JAK2: variants seen among roughly 807,000 people sequenced by gnomAD.
JAK2 encodes the protein tyrosine-protein kinase JAK2.
In JAK2, 86 loss-of-function variants were observed where a neutral mutation model predicts 139.3. The observed-to-expected ratio is 0.62, with a 90% CI of 0.52 to 0.74. JAK2 has a LOEUF of 0.74. Ranked by LOEUF, JAK2 falls within the 30% of genes least tolerant of loss-of-function variation. The pLI, the probability that JAK2 is intolerant of heterozygous loss-of-function variation, is 0.00. For missense variants in JAK2, 1,421 were observed against 1,360.3 expected, an observed-to-expected ratio of 1.04 and a Z score of -0.70; for synonymous variants, 490 against 437.7, an observed-to-expected ratio of 1.12 and a Z score of -1.49.
chr9:5,046,780 G>A (rs1435454837), intron 5 of JAK2, among the ~76,000 whole-genome samples: 1 of 128,232 alleles, frequency 7.8e-6, no homozygotes, highest in Non-Finnish European at 1.5e-5. Context: ...AGGCTTCTAA[G>A]AATAGCCTTT....
In JAK2 at chr9:5,106,672, TG is replaced by T. The variant is rs546875724; in HGVS notation, c.3059+15763del. On this transcript the variant is annotated intron_variant, in intron 22 of 24. Coordinates refer to ENST00000381652, the MANE Select transcript of JAK2 (RefSeq NM_004972.4). Reference sequence around the variant, plus strand: ...ACCCAAATGCCCATCAATGATAGACTGGATAAGAAAATATGCCACAAATATC... The same window carrying T: ...ACCCAAATGCCCATCAATGATAGACTGATAAGAAAATATGCCACAAATATC... Among the ~76,000 whole-genome samples, 157 of 152,270 alleles carry T rather than the reference TG, an allele frequency of 1.0e-3. 1 individual carries two copies. Among genetic ancestry groups the T allele is most frequent in the African/African-American group, 3.7e-3 (155 of 41,532 alleles).
At chr9:5,031,881 T>G (rs1823178170) in intron 4 of JAK2, among the ~76,000 whole-genome samples, 1 of 152,200 alleles carries the variant, frequency 6.6e-6, no homozygotes. Context: ...TGTACCGGGT[T>G]CGTCTCACTG....
At chr9:5,094,608 C>A (rs915316216) in intron 22 of JAK2, 2 of 152,120 alleles carry the variant, frequency 1.3e-5, no homozygotes, top group Non-Finnish European at 2.9e-5. Flanking sequence ...ACCATCATGA[C>A]CCTTAGCCAT....
At chr9:5,066,099 G>A (rs1818550830) in intron 9 of JAK2, among the ~76,000 whole-genome samples, 1 of 152,060 alleles carries the variant, frequency 6.6e-6, no homozygotes, top group Non-Finnish European at 1.5e-5. Context: ...TTAGAAATAT[G>A]GTGATAAGTG....
At chr9:5,049,986 G>A (rs966412109) in intron 5 of JAK2, among the ~76,000 whole-genome samples, 1 of 152,086 alleles carries the variant, frequency 6.6e-6, no homozygotes, top group African/African-American at 2.4e-5. Context: ...TTATATATGT[G>A]GTCTGCCATT....
intron 22 of JAK2, chr9:5,096,731 C>A (rs555311891): frequency 6.6e-6 from 1 of 152,194 alleles, no homozygotes; most frequent in Non-Finnish European, 1.5e-5. Flanking sequence ...ACCTGCTGTT[C>A]GGCGCATGAG....
At chr9:5,062,602 A>ATAC (rs1460469339) in intron 8 of JAK2, among the ~76,000 whole-genome samples, 2 of 150,610 alleles carry the variant, frequency 1.3e-5, no homozygotes, top group African/African-American at 4.9e-5. Flanking sequence ...AATAAGAGGG[A>ATAC]TACTAGTTAG....
At chr9:5,026,567 G>A (rs548983021) in intron 3 of JAK2, among the ~76,000 whole-genome samples, 3 of 152,230 alleles carry the variant, frequency 2.0e-5, no homozygotes, top group Middle Eastern at 3.4e-3. Flanking sequence ...TGAGCCTTAT[G>A]TTTTAAATAT....
At chr9:5,050,430 C>T (rs1217534063) in intron 5 of JAK2, among the ~76,000 whole-genome samples, 1 of 152,032 alleles carries the variant, frequency 6.6e-6, no homozygotes, top group East Asian at 1.9e-4. Flanking sequence ...GCCACCATGC[C>T]TGGATAATTT....
rs554954127 is a variant in JAK2, at chr9:4,997,376, C to G, written c.-26+11354C>G. On this transcript the variant is annotated intron_variant, in intron 2 of 24. Transcript: ENST00000381652. Reference sequence around the variant, plus strand: ...CAGCTTCTGGGGAGTCCTCCGGGAGCTTTTACTCATGGTCAAAAGCTAAGA... The same window carrying G: ...CAGCTTCTGGGGAGTCCTCCGGGAGGTTTTACTCATGGTCAAAAGCTAAGA... 2.6e-5 allele frequency among the ~76,000 whole-genome samples: 4 copies of G among 152,286 alleles called. No homozygotes were observed. In the East Asian group the frequency reaches 7.7e-4, roughly 29 times the overall value.
chr9:4,984,749 C>T (rs963543588), upstream of JAK2: 2 of 152,356 alleles, frequency 1.3e-5, no homozygotes, highest in Non-Finnish European at 2.9e-5. Context: ...AGGCTGCGCG[C>T]TGGGGAGCCA....
chr9:5,103,379 A>AAT (rs1221741972), intron 22 of JAK2, among the ~76,000 whole-genome samples: 1 of 151,994 alleles, frequency 6.6e-6, no homozygotes, highest in Non-Finnish European at 1.5e-5. Flanking sequence ...AACTATACTA[A>AAT]ATATATAGGT....
At chr9:5,082,124 G>C (rs1819744882) in intron 19 of JAK2, among the ~76,000 whole-genome samples, 1 of 148,910 alleles carries the variant, frequency 6.7e-6, no homozygotes, top group Admixed American at 6.6e-5. Context: ...AGAGACAAAA[G>C]TATAGAGAAA....
At chr9:4,991,490 A>G (rs1280419739) in intron 2 of JAK2, among the ~76,000 whole-genome samples, 1 of 152,172 alleles carries the variant, frequency 6.6e-6, no homozygotes, top group Non-Finnish European at 1.5e-5. Context: ...ATCAGGGGAT[A>G]AGGGACTGAC....
At chr9:5,114,200 G>C in intron 22 of JAK2, 1 of 481,020 alleles carries the variant, frequency 2.1e-6, no homozygotes, top group Non-Finnish European at 4.1e-6. Flanking sequence ...GCACCTACCT[G>C]AGCCGGTCCA....
intron 22 of JAK2, among the ~76,000 whole-genome samples, chr9:5,120,064 C>T (rs571294579): frequency 1.3e-5 from 2 of 152,308 alleles, no homozygotes; most frequent in Non-Finnish European, 2.9e-5. Context: ...TCTCACACTT[C>T]TAGAGGTTAG....
Position 5,069,030 on chromosome 9 carries a change from T to A in JAK2, c.1335T>A (p.Asn445Lys). ...YFLTFAVERE[N>K]VIEYKHCLIT... ...TAATTAAACTTATACAGCGAGAAAA[T>A]GTCATTGAATATAAACACTGTTTGA... is the stretch of plus-strand genomic sequence containing the variant. The change falls in exon 11 of 25, where the codon AAT (asparagine) becomes AAA (lysine). Residue 445 changes from asparagine (N) to lysine (K), a missense_variant. By Grantham distance (94) the Asn-to-Lys change is moderately conservative. Transcript: ENST00000381652. 6.4e-7 allele frequency: 1 copy of A among 1,573,832 alleles called. No homozygotes were observed. The highest frequency in any genetic ancestry group is 8.6e-7 in the Non-Finnish European group (1 of 1,156,120).
rs542126429 is a variant in JAK2 at position 5,077,887 on chromosome 9, T to G, written c.1992+307T>G. On this transcript the variant is annotated intron_variant, in intron 15 of 24. Transcript: ENST00000381652. Reference sequence around the variant, plus strand: ...GCAGAAGTATGTGCTTCTGTATTTTTGGGCCATTGTACATTATGGTCCATG... The same window carrying G: ...GCAGAAGTATGTGCTTCTGTATTTTGGGGCCATTGTACATTATGGTCCATG... Among the ~76,000 whole-genome samples the G allele has an allele frequency of 4.7e-4, 71 of 152,354 alleles. 1 individual carries two copies. In the Middle Eastern group the frequency reaches 0.02, roughly 44 times the overall value.
At chr9:4,998,464 T>C (rs567315298) in intron 2 of JAK2, among the ~76,000 whole-genome samples, 11 of 151,690 alleles carry the variant, frequency 7.3e-5, no homozygotes, top group Admixed American at 2.6e-4. Flanking sequence ...ACCATGTTGG[T>C]CAGGCTGGTC....
Sources: gnomAD v4.1 joint callset for allele counts (sites outside exome capture counted in the v4.1 genomes callset) on GRCh38, gnomAD v4.1.1 for gene constraint, MANE v1.5 for transcripts, NCBI Gene and HGNC (gene_info 2026-07-23, HGNC 2026-07-21) for gene names.